The following STK32B variants were observed in gnomAD, a reference collection of about 807,000 sequenced individuals.
The protein encoded by STK32B is serine/threonine kinase 32B.
A neutral mutation model predicts 52.6 loss-of-function variants in STK32B; 43 were observed. The ratio of observed to expected loss-of-function variants is 0.82; its 90% confidence interval spans 0.64 to 1.05. STK32B has a LOEUF of 1.05. STK32B is among the 50% of genes least tolerant of loss of function. STK32B has a pLI of 0.00. For synonymous variants in STK32B, 238 were observed against 204.3 expected (o/e 1.17, Z -1.41); for missense variants, 621 against 534.6 (o/e 1.16, Z -1.59).
chr4:5,475,819 G>A (rs950576638), intron 11 of STK32B, among the ~76,000 whole-genome samples: 41 of 151,094 alleles, frequency 2.7e-4, no homozygotes, highest in African/African-American at 3.9e-4. Flanking sequence ...GTTATGTGCC[G>A]TGTACTGTGC....
intron 3 of STK32B, among the ~76,000 whole-genome samples, chr4:5,195,502 G>C (rs1184017383): frequency 6.6e-6 from 1 of 152,082 alleles, no homozygotes; most frequent in Admixed American, 6.6e-5. Flanking sequence ...AGACCAGCCT[G>C]GCTAACATGG....
chr4:5,436,772 C>A, intron 6 of STK32B: 9 of 717,792 alleles, frequency 1.3e-5, no homozygotes, highest in Non-Finnish European at 1.5e-5. Context: ...CTAGACTTGA[C>A]CTCAGGGGTA....
chr4:5,130,263 A>G (rs531049414), intron 1 of STK32B, among the ~76,000 whole-genome samples: 175 of 151,832 alleles, frequency 1.2e-3, no homozygotes, highest in African/African-American at 4.1e-3. Flanking sequence ...AGGCTCTATG[A>G]TAGTAGAGTG....
chr4:5,247,171 G>A (rs1725516866), intron 3 of STK32B, among the ~76,000 whole-genome samples: 1 of 152,238 alleles, frequency 6.6e-6, no homozygotes, highest in Non-Finnish European at 1.5e-5. Context: ...GCCCCCAGAG[G>A]TGGAGCCTAC....
chr4:5,140,298 G>C (rs772749137), intron 2 of STK32B: 2 of 1,327,018 alleles, frequency 1.5e-6, no homozygotes, highest in Non-Finnish European at 2.0e-6. Flanking sequence ...ATAGACGTTT[G>C]TTGTTTTGGT....
At chr4:5,350,397 A>G (rs766435716) in intron 4 of STK32B, among the ~76,000 whole-genome samples, 11 of 152,160 alleles carry the variant, frequency 7.2e-5, no homozygotes, top group Non-Finnish European at 1.3e-4. Flanking sequence ...GACCAGCCCT[A>G]CAAGAAATGC....
chr4:5,331,216 C>T lies in STK32B; in HGVS notation c.261-4C>T. ...TAATCTTCTCTGTCCTTCTGTGCTC[C>T]TAGGTACTCCTTCCAGGATGAGGAG... On this transcript the variant is annotated splice_polypyrimidine_tract_variant and splice_region_variant and intron_variant, in intron 3 of 11. Coordinates refer to ENST00000282908, the MANE Select transcript of STK32B (RefSeq NM_018401.3). 3.7e-6 allele frequency: 6 copies of T among 1,610,284 alleles called. No homozygotes were observed. The highest frequency in any genetic ancestry group is 5.1e-6 in the Non-Finnish European group (6 of 1,177,990).
chr4:5,019,762 G>C, the STK32B span, among the ~76,000 whole-genome samples: 2 of 152,320 alleles, frequency 1.3e-5, 1 homozygote, highest in African/African-American at 4.8e-5. Flanking sequence ...CAGATGGAGA[G>C]GGGTGGGGGA....
chr4:5,051,887 GC>G lies in STK32B; in HGVS notation c.30del (p.Val11CysfsTer41), dbSNP rs780983138. ...ATATGGGCGGGAACCACTCCCACAA[GC>G]CCCCCGTGTTTGACGAGAATGAGGA... MGGNHSHK[P>X]PVFDENEEVN... On this transcript the variant is annotated frameshift_variant, in exon 1 of 12. Transcript: ENST00000282908. LOFTEE classifies it high-confidence loss of function. The G allele has an allele frequency of 1.2e-6, 2 of 1,600,486 alleles. No homozygotes were observed. The highest frequency in any genetic ancestry group is 1.1e-5 in the South Asian group (1 of 88,450).
intron 3 of STK32B, among the ~76,000 whole-genome samples, chr4:5,307,561 T>C (rs28897246): frequency 0.11 from 16,052 of 151,246 alleles, 1,003 homozygotes; most frequent in African/African-American, 0.18. Context: ...TTTTTTTTTT[T>C]TTTAGGTTGA....
chr4:5,076,083 G>A (rs955123790), intron 1 of STK32B, among the ~76,000 whole-genome samples: 4 of 152,214 alleles, frequency 2.6e-5, no homozygotes, highest in Admixed American at 6.5e-5. Context: ...CCAGCTGTAC[G>A]GGACATTTCA....
intron 1 of STK32B, chr4:5,139,508 T>G: frequency 5.2e-6 from 1 of 192,578 alleles, no homozygotes; most frequent in South Asian, 1.2e-4. Flanking sequence ...AAGTGAAGCA[T>G]GAAGGGGAGA....
At chr4:5,216,385 G>A (rs535237652) in intron 3 of STK32B, among the ~76,000 whole-genome samples, 4 of 152,264 alleles carry the variant, frequency 2.6e-5, no homozygotes, top group Admixed American at 2.6e-4. Context: ...GGAGCGTATG[G>A]TCCAGTGGAA....
At chr4:5,140,247 A>G (rs1359525336) in intron 2 of STK32B, 2 of 1,430,804 alleles carry the variant, frequency 1.4e-6, no homozygotes, top group Non-Finnish European at 1.9e-6. Flanking sequence ...AAAGTTGAAA[A>G]AAAACCCATA....
intron 3 of STK32B, among the ~76,000 whole-genome samples, chr4:5,308,148 T>C (rs955685431): frequency 3.3e-5 from 5 of 152,132 alleles, no homozygotes; most frequent in Admixed American, 6.6e-5. Context: ...TCAGCTGTGA[T>C]TGTATAGAGA....
intron 4 of STK32B, among the ~76,000 whole-genome samples, chr4:5,346,556 C>T (rs28451744): frequency 0.25 from 37,374 of 152,026 alleles, 6,216 homozygotes; most frequent in African/African-American, 0.48. Flanking sequence ...GGATTGGGGT[C>T]ACCCTGTGTG....
chr4:5,233,741 G>T (rs1276518834), intron 3 of STK32B, among the ~76,000 whole-genome samples: 1 of 151,530 alleles, frequency 6.6e-6, no homozygotes, highest in Non-Finnish European at 1.5e-5. Context: ...ACACATGCGG[G>T]AGGAGGGACT....
At chr4:5,336,546 C>A (rs925313405) in intron 4 of STK32B, among the ~76,000 whole-genome samples, 3 of 151,702 alleles carry the variant, frequency 2.0e-5, no homozygotes, top group African/African-American at 7.3e-5. Context: ...ATGTGTGAAA[C>A]AAGAAATAGC....
intron 4 of STK32B, among the ~76,000 whole-genome samples, chr4:5,367,396 A>G (rs1315279453): frequency 6.6e-6 from 1 of 152,194 alleles, no homozygotes; most frequent in Admixed American, 6.5e-5. Flanking sequence ...CATCAGGTAG[A>G]GAAGGGTTTT....
Sources: gnomAD v4.1 joint callset for allele counts (sites outside exome capture counted in the v4.1 genomes callset) on GRCh38, gnomAD v4.1.1 for gene constraint, MANE v1.5 for transcripts, NCBI Gene and HGNC (gene_info 2026-07-23, HGNC 2026-07-21) for gene names.